SCMH1: variants seen among roughly 807,000 people sequenced by gnomAD.
SCMH1 encodes polycomb protein SCMH1.
In SCMH1, 37 loss-of-function variants were observed where a neutral mutation model predicts 70.8. The ratio of observed to expected loss-of-function variants is 0.52; its 90% CI spans 0.40 to 0.69. The LOEUF is 0.69. Ranked by LOEUF, SCMH1 falls within the 30% of genes least tolerant of loss-of-function variation. SCMH1 has a pLI of 0.00. For missense variants in SCMH1, 607 were observed against 827.3 expected (o/e 0.73, Z 3.27); for synonymous variants, 292 against 307.4 (o/e 0.95, Z 0.52).
At chr1:41,202,208 G>T (rs781380948) in intron 1 of SCMH1, among the ~76,000 whole-genome samples, 2 of 151,910 alleles carry the variant, frequency 1.3e-5, no homozygotes, top group African/African-American at 4.8e-5. Context: ...GCTAATTTTC[G>T]TATTTTTAGT....
At chr1:41,133,890 T>C (rs1642809359) in intron 6 of SCMH1, among the ~76,000 whole-genome samples, 1 of 152,164 alleles carries the variant, frequency 6.6e-6, no homozygotes, top group Non-Finnish European at 1.5e-5. Flanking sequence ...CTGAAAGGAT[T>C]CGAAGCAAAA....
chr1:41,070,198 A>G (rs577395712), intron 10 of SCMH1, among the ~76,000 whole-genome samples: 1 of 152,090 alleles, frequency 6.6e-6, no homozygotes, highest in South Asian at 2.1e-4. Flanking sequence ...ATTGTACCAA[A>G]GTTTGTCACC....
intron 5 of SCMH1, 114 bp from the exon 6 acceptor site, chr1:41,143,226 T>TAGGG: frequency 2.9e-6 from 2 of 695,292 alleles, no homozygotes; most frequent in Non-Finnish European, 4.9e-6. Flanking sequence ...AATTATTCCC[T>TAGGG]AATAATTAAG....
At chr1:41,176,832 T>C (rs534764735) in intron 2 of SCMH1, among the ~76,000 whole-genome samples, 46 of 152,304 alleles carry the variant, frequency 3.0e-4, no homozygotes, top group African/African-American at 1.1e-3. Flanking sequence ...GGGCAGGGCA[T>C]AGCCAAACAA....
chr1:41,204,362 C>T (rs1449384556), intron 1 of SCMH1, among the ~76,000 whole-genome samples: 1 of 152,142 alleles, frequency 6.6e-6, no homozygotes, highest in Non-Finnish European at 1.5e-5. Flanking sequence ...TAAGTTAGAT[C>T]ATATCACTCT....
At chr1:41,207,257 G>C (rs1278583532) in intron 1 of SCMH1, among the ~76,000 whole-genome samples, 3 of 152,160 alleles carry the variant, frequency 2.0e-5, no homozygotes, top group Admixed American at 6.6e-5. Flanking sequence ...ATTGGATAAA[G>C]AGTCAAGACC....
Position 41,182,188 on chromosome 1 carries a change from G to A in SCMH1, c.13+3933C>T, listed in dbSNP as rs542226348. 3.4e-4 allele frequency among the ~76,000 whole-genome samples: 51 copies of A among 152,212 alleles called. No homozygotes were observed. In the East Asian group the frequency reaches 7.2e-3, roughly 21 times the overall value. ...CACAGGAAGGGGAACATCACACACCGGGGCCTGTTGTGGGATGCGGGGAGA... is the reference window on the plus strand; with the variant it reads ...CACAGGAAGGGGAACATCACACACCAGGGCCTGTTGTGGGATGCGGGGAGA... On this transcript the variant is annotated intron_variant, in intron 2 of 14. Transcript: ENST00000337495.
At chr1:41,052,561 A>G (rs754190438) in intron 10 of SCMH1, among the ~76,000 whole-genome samples, 5 of 152,234 alleles carry the variant, frequency 3.3e-5, no homozygotes, top group Non-Finnish European at 2.9e-5. Flanking sequence ...ATACTGGCTA[A>G]TGATGCATTT....
intron 10 of SCMH1, among the ~76,000 whole-genome samples, chr1:41,055,186 C>T (rs1649787165): frequency 6.6e-6 from 1 of 152,102 alleles, no homozygotes; most frequent in Admixed American, 6.5e-5. Flanking sequence ...CCTTTGGATG[C>T]CCAACCTTAT....
intron 5 of SCMH1, among the ~76,000 whole-genome samples, chr1:41,148,491 G>A (rs1482913205): frequency 6.6e-6 from 1 of 151,974 alleles, no homozygotes; most frequent in Non-Finnish European, 1.5e-5. Flanking sequence ...TTTCACCTTT[G>A]TGTTTGAAAG....
At chr1:41,157,748 C>G (rs1645673601) in intron 4 of SCMH1, among the ~76,000 whole-genome samples, 1 of 152,128 alleles carries the variant, frequency 6.6e-6, no homozygotes, top group Non-Finnish European at 1.5e-5. Flanking sequence ...GTGACTAAAG[C>G]TCAGCAAAAA....
At chr1:41,068,559 C>T (rs1449208126) in intron 10 of SCMH1, among the ~76,000 whole-genome samples, 1 of 152,132 alleles carries the variant, frequency 6.6e-6, no homozygotes, top group African/African-American at 2.4e-5. Context: ...GCATGTGCCA[C>T]CATGCCTGGC....
chr1:41,076,201 C>A (rs1272961131), intron 8 of SCMH1, among the ~76,000 whole-genome samples: 2 of 152,142 alleles, frequency 1.3e-5, no homozygotes, highest in African/African-American at 4.8e-5. Flanking sequence ...CTTTGTCAGA[C>A]ACATATCAAT....
At chr1:41,091,994 A>G (rs1663689145) in intron 8 of SCMH1, among the ~76,000 whole-genome samples, 1 of 152,150 alleles carries the variant, frequency 6.6e-6, no homozygotes, top group Non-Finnish European at 1.5e-5. Context: ...GCTACCAATG[A>G]CTTTCTTCAC....
chr1:41,206,196 G>A (rs1205974007), intron 1 of SCMH1, among the ~76,000 whole-genome samples: 1 of 152,180 alleles, frequency 6.6e-6, no homozygotes, highest in Non-Finnish European at 1.5e-5. Context: ...GAATGACTTT[G>A]ACAAGTTGAC....
At chr1:41,028,248 C>T (rs759944500) in exon 15 of SCMH1, 31 of 1,614,052 alleles carry the variant, frequency 1.9e-5, no homozygotes, top group Non-Finnish European at 2.5e-5. Context: ...TGAGTGCAGG[C>T]CCCAGCTTCA....
intron 5 of SCMH1, among the ~76,000 whole-genome samples, chr1:41,144,968 T>C (rs1477281420): frequency 6.6e-6 from 1 of 152,222 alleles, no homozygotes; most frequent in Non-Finnish European, 1.5e-5. Flanking sequence ...TTAAGAGTTC[T>C]TTCTATATTC....
At chr1:41,184,694 G>A (rs1383271629) in intron 2 of SCMH1, among the ~76,000 whole-genome samples, 1 of 152,046 alleles carries the variant, frequency 6.6e-6, no homozygotes, top group Non-Finnish European at 1.5e-5. Flanking sequence ...GTCCTGTGGA[G>A]GATTGGTTAT....
chr1:41,204,848 G>A (rs1194375741), intron 1 of SCMH1, among the ~76,000 whole-genome samples: 1 of 152,164 alleles, frequency 6.6e-6, no homozygotes, highest in Non-Finnish European at 1.5e-5. Flanking sequence ...AGTGCCTGGT[G>A]TAAGAGGAGA....
Sources: allele counts gnomAD v4.1 joint callset (sites outside exome capture counted in the v4.1 genomes callset), GRCh38; gene constraint gnomAD v4.1.1; transcripts MANE v1.5; gene names NCBI Gene and HGNC (gene_info 2026-07-23, HGNC 2026-07-21).